Variants in SLC4A7 observed in about 807,000 individuals in gnomAD.
The protein encoded by SLC4A7 is sodium bicarbonate cotransporter 3.
In SLC4A7, 51 loss-of-function variants were observed where a neutral mutation model predicts 137.6. The observed-to-expected ratio is 0.37, with a 90% confidence interval of 0.30 to 0.47. The LOEUF (loss-of-function observed/expected upper bound fraction) is 0.47. Among genes scored for constraint, SLC4A7 ranks in the 20% least tolerant of loss-of-function variants. The probability of loss-of-function intolerance (pLI) is 1.00; values close to 1 mark genes in which losing one functional copy is unlikely to be tolerated. For missense variants in SLC4A7, 1,247 were observed against 1,525.4 expected (o/e 0.82, Z 3.04); for synonymous variants, 542 against 518.6 (o/e 1.05, Z -0.61).
intron 11 of SLC4A7, among the ~76,000 whole-genome samples, chr3:27,417,681 G>A (rs2054528252): frequency 6.6e-6 from 1 of 152,156 alleles, no homozygotes; most frequent in African/African-American, 2.4e-5. Context: ...TTGAGCCCAG[G>A]AAACTGAGGC....
chr3:27,443,863 T>C (rs942829762), intron 3 of SLC4A7, among the ~76,000 whole-genome samples: 3 of 152,266 alleles, frequency 2.0e-5, no homozygotes, highest in East Asian at 1.9e-4. Context: ...CCCATGATTA[T>C]TGAGAAGTAT....
At chr3:27,456,349 CTTAACTA>C (rs2058407829) in intron 1 of SLC4A7, among the ~76,000 whole-genome samples, 1 of 152,192 alleles carries the variant, frequency 6.6e-6, no homozygotes, top group African/African-American at 2.4e-5. Flanking sequence ...TCAAAACACA[CTTAACTA>C]TTAAGATAAA....
chr3:27,446,887 T>G (rs1359878837), intron 3 of SLC4A7, among the ~76,000 whole-genome samples: 10 of 92,962 alleles, frequency 1.1e-4, no homozygotes, highest in Middle Eastern at 5.3e-3. Flanking sequence ...TTTTTTTTGT[T>G]TTTTTTGTTT....
intron 6 of SLC4A7, among the ~76,000 whole-genome samples, chr3:27,432,300 T>C (rs914593592): frequency 1.3e-5 from 2 of 152,192 alleles, no homozygotes; most frequent in Non-Finnish European, 2.9e-5. Context: ...TTTTAAAGGA[T>C]ACATATTCTT....
Position 27,478,202 on chromosome 3 carries a change from GAAA to G in SLC4A7, c.60+5862_60+5864del, listed in dbSNP as rs35022050. 3.1e-4 allele frequency among the ~76,000 whole-genome samples: 45 copies of G among 147,460 alleles called. 2 individuals carry two copies. The highest frequency in any genetic ancestry group is 3.5e-3 in the Middle Eastern group (1 of 286). ...CACATAAAATTCTCTGAAAAATGAG[GAAA>G]AAAAAAAAGGTCATTTAAAACATTA... On this transcript the variant is annotated intron_variant, in intron 1 of 25. Coordinates refer to ENST00000454389, the MANE Select transcript of SLC4A7 (RefSeq NM_001321103.2).
At chr3:27,392,570 A>T (rs34209332) in intron 20 of SLC4A7, among the ~76,000 whole-genome samples, 27,172 of 152,218 alleles carry the variant, frequency 0.18, 2,851 homozygotes, top group Non-Finnish European at 0.25. Context: ...CAATGCCTGT[A>T]ATCTCAGCAT....
At chr3:27,469,317 C>T (rs1458569794) in intron 1 of SLC4A7, among the ~76,000 whole-genome samples, 1 of 152,132 alleles carries the variant, frequency 6.6e-6, no homozygotes, top group Non-Finnish European at 1.5e-5. Flanking sequence ...TTAATTCCAA[C>T]ACTACCTGGA....
At chr3:27,397,654 T>C (rs1190823711) in intron 18 of SLC4A7, 30 bp downstream of exon 18, 2 of 1,092,486 alleles carry the variant, frequency 1.8e-6, no homozygotes, top group Non-Finnish European at 2.8e-6. Context: ...TATTCCCAAG[T>C]AACAAATAGC....
intron 3 of SLC4A7, among the ~76,000 whole-genome samples, chr3:27,439,040 TAC>T (rs1327454416): frequency 1.3e-5 from 2 of 152,154 alleles, no homozygotes; most frequent in African/African-American, 4.8e-5. Flanking sequence ...TATAAACAAA[TAC>T]ACCACCACAA....
rs1200719845 is a variant in SLC4A7, at chr3:27,431,340, C to A, written c.1108G>T (p.Gly370Cys). ...TTTTCCTCATTCTTCTGCTCCTCGCCTTTCAGCGCTGCTTCTAAGTCTTCC... is the reference window on the plus strand; with the variant it reads ...TTTTCCTCATTCTTCTGCTCCTCGCATTTCAGCGCTGCTTCTAAGTCTTCC... ...PEEDLEAALK[G>C]EEQKNEENVD... is the part of the protein sequence containing the mutation. Residue 370 changes from glycine (G) to cysteine (C), a missense_variant, in exon 7 of 26, where the codon GGC becomes TGC. Gly to Cys is a radical substitution (Grantham distance 159). Transcript: ENST00000454389. 2 of 1,608,420 alleles carry A rather than the reference C, an allele frequency of 1.2e-6. No homozygotes were observed. Among genetic ancestry groups the A allele is most frequent in the East Asian group, 4.5e-5 (2 of 44,806 alleles).
chr3:27,451,480 T>C (rs1322119422), intron 2 of SLC4A7, among the ~76,000 whole-genome samples: 1 of 152,004 alleles, frequency 6.6e-6, no homozygotes, highest in Non-Finnish European at 1.5e-5. Context: ...CAAATAACCA[T>C]AACCTCCACC....
intron 1 of SLC4A7, among the ~76,000 whole-genome samples, chr3:27,459,851 C>T (rs1239074192): frequency 6.6e-6 from 1 of 151,658 alleles, no homozygotes; most frequent in South Asian, 2.1e-4. Flanking sequence ...ACTTTAAATA[C>T]TTTATTTTAT....
chr3:27,444,726 T>C (rs186960741), intron 3 of SLC4A7, among the ~76,000 whole-genome samples: 18 of 152,342 alleles, frequency 1.2e-4, no homozygotes, highest in Non-Finnish European at 1.8e-4. Flanking sequence ...AGCATAAATA[T>C]GCTAGTTGCT....
intron 20 of SLC4A7, among the ~76,000 whole-genome samples, chr3:27,394,317 T>C (rs2051913146): frequency 6.7e-6 from 1 of 149,986 alleles, no homozygotes; most frequent in South Asian, 2.1e-4. Context: ...CTACACCTGG[T>C]ATACATTATT....
intron 7 of SLC4A7, chr3:27,424,537 G>A (rs575120935): frequency 6.5e-6 from 1 of 154,924 alleles, no homozygotes; most frequent in Non-Finnish European, 1.4e-5. Context: ...AAGCCTAGCT[G>A]TACTTAGCAT....
intron 1 of SLC4A7, among the ~76,000 whole-genome samples, chr3:27,463,385 G>A (rs936061672): frequency 2.6e-5 from 4 of 152,036 alleles, no homozygotes; most frequent in African/African-American, 9.7e-5. Context: ...AGCTGAGATC[G>A]CACCACTGCA....
chr3:27,461,714 C>T (rs1238598101), intron 1 of SLC4A7, among the ~76,000 whole-genome samples: 1 of 151,218 alleles, frequency 6.6e-6, no homozygotes, highest in Admixed American at 6.6e-5. Context: ...AATCCCAATA[C>T]TTTGGGAGGC....
rs749333019 is a variant in SLC4A7 at position 27,376,747 on chromosome 3, T to C, written c.*17A>G. 6.7e-7 allele frequency: 1 copy of C among 1,482,130 alleles called. No homozygotes were observed. Among genetic ancestry groups the C allele is most frequent in the Non-Finnish European group, 9.4e-7 (1 of 1,064,754 alleles). The allele number at this position is 1,482,130 out of a possible 1,614,324, so 91.8% of individuals were successfully genotyped here. ...CATATGTATATATCTATATGTATAA[T>C]GCCTCTTGGTTCAATTCTATAATGA... On this transcript the variant is annotated 3_prime_UTR_variant, in exon 26 of 26. Coordinates refer to ENST00000454389, the MANE Select transcript of SLC4A7 (RefSeq NM_001321103.2).
In SLC4A7 at chr3:27,449,009, A is replaced by G. The variant is rs79415974; in HGVS notation, c.143-212T>C. Among the ~76,000 whole-genome samples the G allele has an allele frequency of 9.1e-3, 1,383 of 152,312 alleles. 24 individuals carry two copies. Among genetic ancestry groups the G allele is most frequent in the African/African-American group, 0.031 (1,289 of 41,562 alleles). On this transcript the variant is annotated intron_variant, in intron 2 of 25. Coordinates refer to ENST00000454389, the MANE Select transcript of SLC4A7 (RefSeq NM_001321103.2). ...GACAGATGATTACACTAAATCTACA[A>G]ATCACTTATGTAAGTATTTGCACAT...
Sources: gnomAD v4.1 joint callset for allele counts (sites outside exome capture counted in the v4.1 genomes callset) on GRCh38, gnomAD v4.1.1 for gene constraint, MANE v1.5 for transcripts, NCBI Gene and HGNC (gene_info 2026-07-23, HGNC 2026-07-21) for gene names.